NDUFS5: variants seen among roughly 807,000 people sequenced by gnomAD.
NDUFS5 encodes NADH:ubiquinone oxidoreductase subunit S5.
NDUFS5 carries 7 observed loss-of-function variants against 10.5 expected under a neutral mutation model. The ratio of observed to expected loss-of-function variants is 0.66; its 90% CI spans 0.38 to 1.25. NDUFS5 has a LOEUF of 1.25. Ranked by LOEUF, NDUFS5 falls within the 50% of genes most tolerant of loss-of-function variation. The pLI, the probability that NDUFS5 is intolerant of heterozygous loss-of-function variation, is 0.02. For missense variants in NDUFS5, 148 were observed against 140.7 expected (o/e 1.05, Z -0.26); for synonymous variants, 38 against 44.0 (o/e 0.86, Z 0.54).
At position 39,034,399 on chromosome 1, in the gene NDUFS5, G is replaced by A. The variant is rs967943689; in HGVS notation, c.224G>A (p.Arg75His). The A allele has an allele frequency of 1.6e-5, 25 of 1,612,674 alleles. No homozygotes were observed. The highest frequency in any genetic ancestry group is 6.7e-5 in the African/African-American group (5 of 74,830). ...ACCATTTTCCTTTGACAGATGAGAC[G>A]TGCAGGTACCATCAGGAAGCAGCGG... ...ECLLRQKTMR[R>H]AGTIRKQRDK... The change falls in exon 3 of 3, where the codon CGT (arginine) becomes CAT (histidine). Residue 75 changes from arginine to histidine, a missense_variant. Arg to His is a conservative substitution (Grantham distance 29, BLOSUM62 0). Coordinates refer to ENST00000372969, the MANE Select transcript of NDUFS5 (RefSeq NM_004552.3).
At chr1:39,031,163 C>T (rs1027179780) in intron 2 of NDUFS5, among the ~76,000 whole-genome samples, 4 of 151,906 alleles carry the variant, frequency 2.6e-5, no homozygotes, top group Non-Finnish European at 5.9e-5. Flanking sequence ...AGACACTGCA[C>T]CTGGCCCTAA....
Position 39,028,100 on chromosome 1 carries a change from A to G in NDUFS5, c.-2-623A>G, listed in dbSNP as rs373361373. On this transcript the variant is annotated intron_variant, in intron 1 of 2. Coordinates refer to ENST00000372969, the MANE Select transcript of NDUFS5 (RefSeq NM_004552.3). Reference sequence around the variant, plus strand: ...CTCCCAAAGTTCTGGGATTACAGGCATGAGCCACCGCGCCTGGCCCACAAG... The same window carrying G: ...CTCCCAAAGTTCTGGGATTACAGGCGTGAGCCACCGCGCCTGGCCCACAAG... Among the ~76,000 whole-genome samples, 515 of 142,094 alleles carry G rather than the reference A, an allele frequency of 3.6e-3. 30 individuals carry two copies. In the South Asian group the frequency reaches 0.11, roughly 29 times the overall value. 93.2% of individuals were successfully genotyped at this position (142,094 alleles called of 152,430 possible).
At chr1:39,026,429 A>C (rs1426234516) in intron 1 of NDUFS5, 27 bp downstream of exon 1, 1 of 152,214 alleles carries the variant, frequency 6.6e-6, no homozygotes, top group African/African-American at 2.4e-5. Flanking sequence ...TCCGCGCGGC[A>C]GCTTAGCTTA....
chr1:39,028,135 TA>T (rs200377961), intron 1 of NDUFS5, among the ~76,000 whole-genome samples: 54 of 140,082 alleles, frequency 3.9e-4, no homozygotes, highest in African/African-American at 1.1e-3. Flanking sequence ...GTGGCTGATT[TA>T]AAAAAAAAAT....
intron 2 of NDUFS5, among the ~76,000 whole-genome samples, chr1:39,031,097 T>C (rs188448713): frequency 6.6e-6 from 1 of 152,244 alleles, no homozygotes; most frequent in East Asian, 1.9e-4. Flanking sequence ...CTCGAACTCC[T>C]GAGCTCAGGT....
At chr1:39,030,644 C>T (rs1220309174) in intron 2 of NDUFS5, among the ~76,000 whole-genome samples, 2 of 146,482 alleles carry the variant, frequency 1.4e-5, no homozygotes, top group African/African-American at 2.5e-5. Flanking sequence ...GGCATGAACC[C>T]GGGAGGCAGA....
chr1:39,026,860 G>T (rs1644152152), intron 1 of NDUFS5, among the ~76,000 whole-genome samples: 1 of 152,234 alleles, frequency 6.6e-6, no homozygotes, highest in South Asian at 2.1e-4. Flanking sequence ...GAACTCGCAA[G>T]CCATGTTAAA....
At chr1:39,030,635 G>A (rs1173938978) in intron 2 of NDUFS5, among the ~76,000 whole-genome samples, 1 of 150,680 alleles carries the variant, frequency 6.6e-6, no homozygotes, top group Non-Finnish European at 1.5e-5. Flanking sequence ...CAGGAGAATG[G>A]CATGAACCCG....
intron 2 of NDUFS5, among the ~76,000 whole-genome samples, chr1:39,033,608 TCTC>T (rs1462560887): frequency 6.9e-6 from 1 of 144,476 alleles, no homozygotes; most frequent in African/African-American, 2.5e-5. Flanking sequence ...TTCAAGCGAT[TCTC>T]CTGCCTCAGC....
chr1:39,028,184 C>A (rs1644165758), intron 1 of NDUFS5, among the ~76,000 whole-genome samples: 2 of 148,964 alleles, frequency 1.3e-5, no homozygotes, highest in South Asian at 4.3e-4. Flanking sequence ...GTAATCCCAG[C>A]ACTTTGGGAG....
intron 2 of NDUFS5, among the ~76,000 whole-genome samples, chr1:39,032,322 G>C (rs58670366): frequency 0.11 from 17,318 of 152,194 alleles, 1,225 homozygotes; most frequent in Non-Finnish European, 0.16. Flanking sequence ...TTTTAGCTCA[G>C]AGAAAGATTT....
chr1:39,027,902 C>CT (rs1644163303), intron 1 of NDUFS5, among the ~76,000 whole-genome samples: 2 of 141,998 alleles, frequency 1.4e-5, no homozygotes, highest in South Asian at 2.2e-4. Flanking sequence ...ATTGCAACCT[C>CT]TGTCTCCCCA....
rs146279654 is a variant in NDUFS5, at chr1:39,034,469, C to A, written c.294C>A (p.His98Gln). Residue 98 changes from histidine to glutamine, a missense_variant, in exon 3 of 3, where the codon CAC becomes CAA. Transcript: ENST00000372969. Reference protein sequence around the residue: ...KEGKYTPPPHHIGKGEPRP With the variant: ...KEGKYTPPPHQIGKGEPRP ...GAAAGTACACCCCTCCACCTCACCA[C>A]ATTGGCAAGGGGGAGCCTCGGCCCT... is the stretch of plus-strand genomic sequence containing the variant. 8.7e-5 allele frequency: 140 copies of A among 1,613,690 alleles called. No individual in the cohort carries two copies. In the Middle Eastern group the frequency reaches 1.7e-3, roughly 19 times the overall value.
At chr1:39,033,992 G>A (rs1267242563) in intron 2 of NDUFS5, among the ~76,000 whole-genome samples, 1 of 151,250 alleles carries the variant, frequency 6.6e-6, no homozygotes, top group East Asian at 1.9e-4. Flanking sequence ...GTAGAAACAA[G>A]GTTTTACCTT....
intron 2 of NDUFS5, among the ~76,000 whole-genome samples, chr1:39,033,233 C>G (rs891900002): frequency 1.3e-5 from 2 of 152,052 alleles, no homozygotes; most frequent in African/African-American, 4.8e-5. Context: ...CTGCTTCATT[C>G]ATACCCATTG....
At chr1:39,033,224 T>A (rs1482491607) in intron 2 of NDUFS5, among the ~76,000 whole-genome samples, 1 of 152,038 alleles carries the variant, frequency 6.6e-6, no homozygotes, top group Non-Finnish European at 1.5e-5. Context: ...TGGCTATTTC[T>A]GCTTCATTCA....
chr1:39,029,176 A>G (rs1360641726), intron 2 of NDUFS5, among the ~76,000 whole-genome samples: 1 of 151,960 alleles, frequency 6.6e-6, no homozygotes, highest in East Asian at 1.9e-4. Flanking sequence ...TATTTTTAGT[A>G]GAAACGGGAT....
In NDUFS5 at chr1:39,031,017, G is replaced by C. The variant is rs1488113112; in HGVS notation, c.216+2077G>C. 3.3e-5 allele frequency among the ~76,000 whole-genome samples: 5 copies of C among 151,254 alleles called. No homozygotes were observed. The East Asian group carries it at 1.0e-3, about 30-fold the overall frequency. On this transcript the variant is annotated intron_variant, in intron 2 of 2. Transcript: ENST00000372969. Reference sequence around the variant, plus strand: ...CCCAAGTAGCTGGGACTACAGGAGTGCACCACCACGCCCAGCTAATTTTTT... The same window carrying C: ...CCCAAGTAGCTGGGACTACAGGAGTCCACCACCACGCCCAGCTAATTTTTT...
chr1:39,027,580 G>GTTTTTTTTTTTTTTTTTTTTTTT (rs1557650948), intron 1 of NDUFS5, among the ~76,000 whole-genome samples: 1 of 44,074 alleles, frequency 2.3e-5, no homozygotes, highest in African/African-American at 5.2e-5. Context: ...CTTTCGCTCT[G>GTTTTTTTTTTTTTTTTTTTTTTT]GTTTTTTTTT....
Sources: allele counts gnomAD v4.1 joint callset (sites outside exome capture counted in the v4.1 genomes callset), GRCh38; gene constraint gnomAD v4.1.1; transcripts MANE v1.5; gene names NCBI Gene and HGNC (gene_info 2026-07-23, HGNC 2026-07-21).